CPB1: variants seen among roughly 807,000 people sequenced by gnomAD.
CPB1 encodes the protein carboxypeptidase B.
CPB1 carries 53 observed loss-of-function variants against 51.4 expected under a neutral mutation model. The observed-to-expected ratio is 1.03, with a 90% CI of 0.83 to 1.30. The LOEUF (loss-of-function observed/expected upper bound fraction) is 1.30. Among genes scored for constraint, CPB1 ranks in the 50% most tolerant of loss-of-function variants. The pLI is 0.00. For synonymous variants in CPB1, 189 were observed against 186.9 expected (o/e 1.01, Z -0.09); for missense variants, 494 against 516.2 (o/e 0.96, Z 0.42).
chr3:148,839,408 G>C (rs1041237430), intron 3 of CPB1, among the ~76,000 whole-genome samples: 1 of 152,178 alleles, frequency 6.6e-6, no homozygotes, highest in African/African-American at 2.4e-5. Context: ...CACTAAGTCT[G>C]TGGCAACTGA....
chr3:148,832,584 A>G (rs1352463247), intron 2 of CPB1, among the ~76,000 whole-genome samples: 4 of 152,212 alleles, frequency 2.6e-5, no homozygotes, highest in African/African-American at 9.6e-5. Context: ...CACAGAGGAC[A>G]ACTGGCGGTA....
intron 9 of CPB1, among the ~76,000 whole-genome samples, chr3:148,849,566 T>C (rs894863867): frequency 6.6e-6 from 1 of 152,078 alleles, no homozygotes; most frequent in Non-Finnish European, 1.5e-5. Flanking sequence ...GATGTCTACA[T>C]GACACTGTTA....
chr3:148,837,752 T>C (rs1712948732), intron 3 of CPB1, among the ~76,000 whole-genome samples: 1 of 151,994 alleles, frequency 6.6e-6, no homozygotes, highest in Non-Finnish European at 1.5e-5. Flanking sequence ...CATTTCAACC[T>C]CACTCTGATG....
At position 148,852,980 on chromosome 3, in the gene CPB1, G is replaced by T. The variant is rs550289264; in HGVS notation, c.982-4477G>T. Among the ~76,000 whole-genome samples, 7 of 152,184 alleles carry T rather than the reference G, an allele frequency of 4.6e-5. No homozygotes were observed. In the East Asian group the frequency reaches 1.4e-3, roughly 29 times the overall value. On this transcript the variant is annotated intron_variant, in intron 9 of 10. Transcript: ENST00000282957. ...TCTCCTTGGTTCCTGCTTATAGACCGTAAGGGCTTCTTCTTTTGCACCAAA... is the reference window on the plus strand; with the variant it reads ...TCTCCTTGGTTCCTGCTTATAGACCTTAAGGGCTTCTTCTTTTGCACCAAA...
chr3:148,859,903 T>C lies in CPB1; in HGVS notation c.1155T>C (p.Tyr385=). 3 of 1,614,184 alleles carry C rather than the reference T, an allele frequency of 1.9e-6. No homozygotes were observed. The highest frequency in any genetic ancestry group is 2.5e-6 in the Non-Finnish European group (3 of 1,180,016). ...FTFELRDTGR[Y]GFLLPESQIR... The stretch of plus-strand genomic sequence containing the variant: ...TTGAACTTCGAGATACAGGCAGATA[T>C]GGCTTTCTCCTTCCAGAATCCCAGA... The change falls in exon 11 of 11, where the codon TAT becomes TAC. Residue 385 remains tyrosine (Y), a synonymous_variant. Transcript: ENST00000282957.
At position 148,859,849 on chromosome 3, in the gene CPB1, T is replaced by C. The variant is rs2108024179; in HGVS notation, c.1101T>C (p.Tyr367=). 1.9e-6 allele frequency: 3 copies of C among 1,614,122 alleles called. No individual in the cohort carries two copies. Among genetic ancestry groups the C allele is most frequent in the Non-Finnish European group, 2.5e-6 (3 of 1,179,988 alleles). ...CTGGGGGCTCTGACGACTGGGCTTATGACCAAGGAATCAGATATTCCTTCA... is the reference window on the plus strand; with the variant it reads ...CTGGGGGCTCTGACGACTGGGCTTACGACCAAGGAATCAGATATTCCTTCA... The part of the protein sequence containing the change: ...PAAGGSDDWA[Y]DQGIRYSFTF... The change falls in exon 11 of 11, where the codon TAT becomes TAC. Residue 367 remains tyrosine (Y), a synonymous_variant. Coordinates refer to ENST00000282957, the MANE Select transcript of CPB1 (RefSeq NM_001871.3).
At chr3:148,852,675 G>A (rs1713465689) in intron 9 of CPB1, among the ~76,000 whole-genome samples, 1 of 152,100 alleles carries the variant, frequency 6.6e-6, no homozygotes, top group Admixed American at 6.5e-5. Context: ...TAAATAAATA[G>A]GTAAATAAAT....
At chr3:148,851,001 C>A (rs1177887205) in intron 9 of CPB1, 1 of 152,162 alleles carries the variant, frequency 6.6e-6, no homozygotes, top group Non-Finnish European at 1.5e-5. Flanking sequence ...TGATAAAATT[C>A]TCCTACCAGG....
intron 9 of CPB1, among the ~76,000 whole-genome samples, chr3:148,847,751 A>G (rs1713299577): frequency 6.6e-6 from 1 of 152,176 alleles, no homozygotes. Context: ...GCCACAAAAT[A>G]ATCTTATCTT....
chr3:148,828,219 C>A, intron 2 of CPB1, 142 bp downstream of exon 2: 1 of 659,880 alleles, frequency 1.5e-6, no homozygotes, highest in Non-Finnish European at 2.6e-6. Context: ...CATTTAGTGC[C>A]ATAATGTCTT....
At chr3:148,841,060 C>A in intron 5 of CPB1, 85 bp downstream of exon 5, 1 of 1,095,178 alleles carries the variant, frequency 9.1e-7, no homozygotes, top group Non-Finnish European at 1.4e-6. Context: ...TTCACAGACA[C>A]GCTTATCCCA....
At chr3:148,845,669 T>A (rs1428689352) in intron 9 of CPB1, 43 bp downstream of exon 9, 1 of 1,476,238 alleles carries the variant, frequency 6.8e-7, no homozygotes, top group South Asian at 1.2e-5. Flanking sequence ...CTATTGAGAT[T>A]TTTTAAATTC....
At chr3:148,840,511 A>G (rs558349595) in intron 3 of CPB1, among the ~76,000 whole-genome samples, 175 bp from the exon 4 acceptor site, 9 of 152,304 alleles carry the variant, frequency 5.9e-5, no homozygotes, top group African/African-American at 1.9e-4. Context: ...TATGGTCAGT[A>G]ACAGAATCTC....
intron 9 of CPB1, among the ~76,000 whole-genome samples, chr3:148,849,865 C>T (rs1713372440): frequency 6.6e-6 from 1 of 152,244 alleles, no homozygotes; most frequent in Non-Finnish European, 1.5e-5. Context: ...GGGTCTAAGG[C>T]TACTGGCTCC....
intron 3 of CPB1, among the ~76,000 whole-genome samples, chr3:148,837,226 T>A (rs1004819963): frequency 6.6e-6 from 1 of 152,190 alleles, no homozygotes; most frequent in African/African-American, 2.4e-5. Context: ...TCAGGGAGAC[T>A]GATTGTTGCT....
intron 3 of CPB1, among the ~76,000 whole-genome samples, chr3:148,838,014 C>CTAGGCAGGTGGATCACGAGGT (rs1265958488): frequency 2.6e-5 from 4 of 152,072 alleles, no homozygotes; most frequent in Non-Finnish European, 5.9e-5. Context: ...CTTGGGAGGC[C>CTAGGCAGGTGGATCACGAGGT]TAGGCAGGTG....
At chr3:148,845,042 G>A (rs1384203087) in intron 8 of CPB1, among the ~76,000 whole-genome samples, 1 of 152,040 alleles carries the variant, frequency 6.6e-6, no homozygotes, top group Non-Finnish European at 1.5e-5. Flanking sequence ...TCTAGAGGGG[G>A]AGACAGCTAT....
chr3:148,855,334 T>C (rs983355556), intron 9 of CPB1: 7 of 152,104 alleles, frequency 4.6e-5, no homozygotes, highest in Admixed American at 6.6e-5. Context: ...ACCTCAGATA[T>C]TGCTTCAGCA....
intron 6 of CPB1, among the ~76,000 whole-genome samples, chr3:148,843,085 G>A (rs900272741): frequency 6.6e-5 from 10 of 152,070 alleles, no homozygotes; most frequent in African/African-American, 9.7e-5. Flanking sequence ...AGAAGACTAC[G>A]GAGACGTGAC....
Sources: allele counts gnomAD v4.1 joint callset (sites outside exome capture counted in the v4.1 genomes callset), GRCh38; gene constraint gnomAD v4.1.1; transcripts MANE v1.5; gene names NCBI Gene and HGNC (gene_info 2026-07-23, HGNC 2026-07-21).